PCDH7: variants seen among roughly 807,000 people sequenced by gnomAD.
PCDH7 encodes the protein protocadherin 7.
In PCDH7, 17 loss-of-function variants were observed where a neutral mutation model predicts 58.9. That is an observed-to-expected ratio of 0.29 (90% confidence interval 0.20 to 0.43). The LOEUF (loss-of-function observed/expected upper bound fraction) is 0.43, where lower values mean the gene tolerates loss of function less well. Among genes scored for constraint, PCDH7 ranks in the 20% least tolerant of loss-of-function variants. The probability of loss-of-function intolerance (pLI) is 1.00; values close to 1 mark genes in which losing one functional copy is unlikely to be tolerated. For synonymous variants in PCDH7, 664 were observed against 616.4 expected (o/e 1.08, Z -1.14); for missense variants, 1,274 against 1,441.0 (o/e 0.88, Z 1.88).
chr4:30,892,062 CT>C (rs1483683645), intron 1 of PCDH7, among the ~76,000 whole-genome samples: 5 of 151,992 alleles, frequency 3.3e-5, no homozygotes, highest in Non-Finnish European at 5.9e-5. Flanking sequence ...GAGGAAATTT[CT>C]GTTTATGTTG....
At position 30,987,211 on chromosome 4, in the gene PCDH7, A is replaced by G. The variant is rs77160328; in HGVS notation, c.*7+36996A>G. ...ATTAAACAAACAACAACAAAAACAA[A>G]ACTTAATCCAAGTATATCATGTAAT... On this transcript the variant is annotated intron_variant, in intron 3 of 3. Transcript: ENST00000509759. Among the ~76,000 whole-genome samples the G allele has an allele frequency of 4.2e-3, 644 of 152,232 alleles. 3 individuals carry two copies. The highest frequency in any genetic ancestry group is 5.7e-3 in the Non-Finnish European group (390 of 68,022).
Position 30,748,996 on chromosome 4 carries a change from G to A in PCDH7, c.70+24400G>A, listed in dbSNP as rs567950081. The stretch of plus-strand genomic sequence containing the variant: ...TGTCATATGACCTTTTTTCTTGCAA[G>A]AGTCCATATTAACCATTATTATACT... On this transcript the variant is annotated intron_variant, in intron 1 of 3. Transcript: ENST00000509759. 3.9e-5 allele frequency among the ~76,000 whole-genome samples: 6 copies of A among 152,176 alleles called. 1 individual carries two copies. The South Asian group carries it at 1.2e-3, about 32-fold the overall frequency.
chr4:30,847,490 G>T (rs574532140), intron 1 of PCDH7, among the ~76,000 whole-genome samples: 2 of 152,256 alleles, frequency 1.3e-5, no homozygotes, highest in East Asian at 3.9e-4. Flanking sequence ...TGTCTGACTT[G>T]CCAAAATGTT....
intron 2 of PCDH7, among the ~76,000 whole-genome samples, chr4:30,942,796 A>G (rs1437754106): frequency 2.0e-5 from 3 of 152,040 alleles, no homozygotes; most frequent in Non-Finnish European, 2.9e-5. Flanking sequence ...TATTACTAAA[A>G]TATTGTTGAA....
intron 3 of PCDH7, among the ~76,000 whole-genome samples, chr4:31,037,684 T>G (rs1186046725): frequency 1.3e-5 from 2 of 152,242 alleles, no homozygotes; most frequent in Admixed American, 6.5e-5. Flanking sequence ...GCAATCATTC[T>G]TTCATATCCA....
At chr4:30,765,827 T>C (rs1720670863) in intron 1 of PCDH7, among the ~76,000 whole-genome samples, 2 of 152,150 alleles carry the variant, frequency 1.3e-5, no homozygotes, top group African/African-American at 4.8e-5. Flanking sequence ...ATAATGACTT[T>C]GGATATTCAG....
chr4:30,882,973 A>G (rs1212212502), intron 1 of PCDH7, among the ~76,000 whole-genome samples: 3 of 152,236 alleles, frequency 2.0e-5, no homozygotes, highest in Non-Finnish European at 4.4e-5. Context: ...CCATGGTCTC[A>G]AAGAGCGGCA....
intron 1 of PCDH7, among the ~76,000 whole-genome samples, chr4:30,908,014 C>T (rs1374564031): frequency 6.6e-6 from 1 of 152,116 alleles, no homozygotes; most frequent in African/African-American, 2.4e-5. Flanking sequence ...AAACCATTCA[C>T]TGCATGTTCT....
chr4:30,840,589 G>A (rs191745973), intron 1 of PCDH7, among the ~76,000 whole-genome samples: 3 of 151,892 alleles, frequency 2.0e-5, no homozygotes, highest in Non-Finnish European at 4.4e-5. Flanking sequence ...ACAATAATGA[G>A]AAAAAAAATG....
At chr4:30,762,422 C>T (rs538185663) in intron 1 of PCDH7, among the ~76,000 whole-genome samples, 1 of 152,208 alleles carries the variant, frequency 6.6e-6, no homozygotes, top group African/African-American at 2.4e-5. Flanking sequence ...GAGCAAGACT[C>T]TTAACATATT....
chr4:31,084,938 A>G (rs1306432133), intron 3 of PCDH7, among the ~76,000 whole-genome samples: 1 of 152,086 alleles, frequency 6.6e-6, no homozygotes, highest in East Asian at 1.9e-4. Context: ...ACCTTACACC[A>G]GGCCCTACCT....
At chr4:31,045,779 G>A (rs1433467608) in intron 3 of PCDH7, among the ~76,000 whole-genome samples, 1 of 151,958 alleles carries the variant, frequency 6.6e-6, no homozygotes, top group South Asian at 2.1e-4. Context: ...TTGAGGACAA[G>A]TTTGAAGAAC....
In PCDH7 at chr4:31,128,166, G is replaced by A. The variant is rs141736247; in HGVS notation, c.*8-14307G>A. Among the ~76,000 whole-genome samples the A allele has an allele frequency of 6.9e-3, 1,047 of 150,880 alleles. 12 individuals are homozygous for A. The highest frequency in any genetic ancestry group is 7.6e-3 in the Non-Finnish European group (512 of 67,622). ...ATATATACACACACACACACACACGGACACACATATAAAAGTCTGAAACAA... is the reference window on the plus strand; with the variant it reads ...ATATATACACACACACACACACACGAACACACATATAAAAGTCTGAAACAA... On this transcript the variant is annotated intron_variant, in intron 3 of 3. Transcript: ENST00000509759.
intron 3 of PCDH7, among the ~76,000 whole-genome samples, chr4:31,110,056 G>A (rs1364429702): frequency 6.6e-6 from 1 of 152,146 alleles, no homozygotes; most frequent in Non-Finnish European, 1.5e-5. Flanking sequence ...AAAATTCAAA[G>A]CATTTATGGC....
At chr4:31,085,209 G>A (rs944002273) in intron 3 of PCDH7, among the ~76,000 whole-genome samples, 2 of 152,006 alleles carry the variant, frequency 1.3e-5, no homozygotes, top group African/African-American at 2.4e-5. Flanking sequence ...CTGTCTTTTT[G>A]TGCTCAGTTT....
At chr4:30,980,328 G>A (rs1238355163) in intron 3 of PCDH7, among the ~76,000 whole-genome samples, 15 of 152,016 alleles carry the variant, frequency 9.9e-5, no homozygotes, top group Admixed American at 9.8e-4. Flanking sequence ...AAACTAAGAT[G>A]GTACAACTAA....
At chr4:31,079,744 A>G (rs1443112463) in intron 3 of PCDH7, among the ~76,000 whole-genome samples, 1 of 152,094 alleles carries the variant, frequency 6.6e-6, no homozygotes, top group Non-Finnish European at 1.5e-5. Context: ...AACATGTTCA[A>G]CGGTGTTAAC....
chr4:30,982,121 A>G (rs761168178), intron 3 of PCDH7, among the ~76,000 whole-genome samples: 1 of 152,224 alleles, frequency 6.6e-6, no homozygotes, highest in Non-Finnish European at 1.5e-5. Flanking sequence ...TAGTTAGCTC[A>G]ATTGAGCCAT....
chr4:30,840,078 A>G (rs1731015398), intron 1 of PCDH7, among the ~76,000 whole-genome samples: 2 of 151,274 alleles, frequency 1.3e-5, no homozygotes, highest in Admixed American at 1.3e-4. Flanking sequence ...TTGGAGGAGT[A>G]GGGGTAGTTG....
Sources: gnomAD v4.1 joint callset for allele counts (sites outside exome capture counted in the v4.1 genomes callset) on GRCh38, gnomAD v4.1.1 for gene constraint, MANE v1.5 for transcripts, NCBI Gene and HGNC (gene_info 2026-07-23, HGNC 2026-07-21) for gene names.